OXCT1: variants seen among roughly 807,000 people sequenced by gnomAD.
OXCT1 encodes the protein succinyl-CoA:3-ketoacid coenzyme A transferase 1, mitochondrial.
A neutral mutation model predicts 69.6 loss-of-function variants in OXCT1; 27 were observed. The observed-to-expected ratio is 0.39, with a 90% confidence interval of 0.29 to 0.54. OXCT1 has a LOEUF of 0.54. Ranked by LOEUF, OXCT1 falls within the 20% of genes least tolerant of loss-of-function variation. The pLI is 0.72. For missense variants in OXCT1, 437 were observed against 650.2 expected (o/e 0.67, Z 3.57); for synonymous variants, 202 against 217.8 (o/e 0.93, Z 0.64).
chr5:41,802,977 T>C (rs1746492772), intron 10 of OXCT1, 92 bp downstream of exon 10: 2 of 915,776 alleles, frequency 2.2e-6, no homozygotes, highest in African/African-American at 1.7e-5. Context: ...CTAAAAGCTA[T>C]TGAAATAAAA....
chr5:41,782,457 G>A (rs1203253426), intron 13 of OXCT1, among the ~76,000 whole-genome samples: 19 of 152,116 alleles, frequency 1.2e-4, no homozygotes, highest in African/African-American at 3.1e-4. Context: ...GAAGTAATCC[G>A]CCTGCCTTAG....
chr5:41,831,090 G>A (rs1748073872), intron 7 of OXCT1, among the ~76,000 whole-genome samples: 1 of 152,174 alleles, frequency 6.6e-6, no homozygotes, highest in African/African-American at 2.4e-5. Context: ...TCTCCAAACA[G>A]GGCCAGAGTC....
chr5:41,819,968 A>C (rs952463033), intron 7 of OXCT1, among the ~76,000 whole-genome samples: 1 of 152,128 alleles, frequency 6.6e-6, no homozygotes, highest in Admixed American at 6.6e-5. Context: ...TCAAGCAGCC[A>C]GGAGGATTCT....
At position 41,794,703 on chromosome 5, in the gene OXCT1, G is replaced by A. The variant is rs770657301; in HGVS notation, c.1146C>T (p.Ser382=). The A allele has an allele frequency of 7.4e-6, 12 of 1,613,440 alleles. No homozygotes were observed. Among genetic ancestry groups the A allele is most frequent in the South Asian group, 2.2e-5 (2 of 91,068 alleles). Residue 382 remains serine, a synonymous_variant, in exon 12 of 17, where the codon AGC becomes AGT. Transcript: ENST00000196371. ...CTCTAATCATTGCAAATGATTCATC[G>A]CTGGAGAAAAAAGAGGCTCCTGGAA... The part of the protein sequence containing the change: ...TILPGASFFS[S]DESFAMIRGG...
chr5:41,849,217 G>A (rs767035953), intron 5 of OXCT1, among the ~76,000 whole-genome samples: 14 of 152,152 alleles, frequency 9.2e-5, no homozygotes, highest in Non-Finnish European at 1.5e-5. Context: ...AGGAATGGGA[G>A]GGGCACAGCC....
At chr5:41,852,262 G>A (rs1211128880) in intron 4 of OXCT1, among the ~76,000 whole-genome samples, 1 of 152,182 alleles carries the variant, frequency 6.6e-6, no homozygotes, top group Non-Finnish European at 1.5e-5. Flanking sequence ...CCAGTGCAAT[G>A]CTATGGTATG....
At chr5:41,845,445 A>G (rs1247440853) in intron 5 of OXCT1, among the ~76,000 whole-genome samples, 1 of 152,106 alleles carries the variant, frequency 6.6e-6, no homozygotes, top group East Asian at 1.9e-4. Flanking sequence ...CAGTTCCTCC[A>G]CTAGCAGGAG....
At chr5:41,852,456 C>T (rs912085700) in intron 4 of OXCT1, among the ~76,000 whole-genome samples, 6 of 152,122 alleles carry the variant, frequency 3.9e-5, no homozygotes, top group South Asian at 2.1e-4. Flanking sequence ...TAAAATAAAG[C>T]GGAGTGGCTC....
At chr5:41,847,694 A>C (rs1748987618) in intron 5 of OXCT1, among the ~76,000 whole-genome samples, 1 of 152,234 alleles carries the variant, frequency 6.6e-6, no homozygotes, top group Admixed American at 6.5e-5. Context: ...TGATTATCTC[A>C]ATAGATGCAG....
At chr5:41,748,854 C>G (rs114713832) in intron 15 of OXCT1, among the ~76,000 whole-genome samples, 1 of 152,006 alleles carries the variant, frequency 6.6e-6, no homozygotes, top group African/African-American at 2.4e-5. Context: ...AGAAAACACA[C>G]CCTCCCAGCT....
intron 15 of OXCT1, among the ~76,000 whole-genome samples, chr5:41,744,728 G>A (rs1382605549): frequency 1.3e-5 from 2 of 151,964 alleles, no homozygotes; most frequent in Admixed American, 1.3e-4. Context: ...ATAATCATGC[G>A]GTTTTTGTCA....
At chr5:41,785,306 C>T (rs1199434248) in intron 13 of OXCT1, among the ~76,000 whole-genome samples, 3 of 152,160 alleles carry the variant, frequency 2.0e-5, no homozygotes, top group South Asian at 4.1e-4. Context: ...TTCCACAGTC[C>T]TCTGTGGAAA....
chr5:41,843,694 C>A (rs1748757576), intron 5 of OXCT1: 1 of 411,510 alleles, frequency 2.4e-6, no homozygotes, highest in South Asian at 1.7e-5. Context: ...CTCATCCCTA[C>A]CGCACCCCCT....
At chr5:41,809,164 A>G (rs1367957115) in intron 7 of OXCT1, among the ~76,000 whole-genome samples, 1 of 152,090 alleles carries the variant, frequency 6.6e-6, no homozygotes, top group Admixed American at 6.6e-5. Context: ...TGGGATAGAC[A>G]ATTATTTATA....
Position 41,745,450 on chromosome 5 carries a change from G to A in OXCT1, c.1419+4077C>T, listed in dbSNP as rs531547834. Among the ~76,000 whole-genome samples, 772 of 152,250 alleles carry A rather than the reference G, an allele frequency of 5.1e-3. 6 individuals carry two copies. The highest frequency in any genetic ancestry group is 0.017 in the African/African-American group (722 of 41,540). On this transcript the variant is annotated intron_variant, in intron 15 of 16. Coordinates refer to ENST00000196371, the MANE Select transcript of OXCT1 (RefSeq NM_000436.4). ...ACTAAATGCCCACAAGAGAAAGCAGGAAAGATCTAAAATTGACATCCTAAC... is the reference window on the plus strand; with the variant it reads ...ACTAAATGCCCACAAGAGAAAGCAGAAAAGATCTAAAATTGACATCCTAAC...
chr5:41,750,135 G>GTTTTTTTTTTTTTTTTTTTTTTTTT (rs11291155), intron 14 of OXCT1, among the ~76,000 whole-genome samples: 9 of 73,922 alleles, frequency 1.2e-4, no homozygotes, highest in African/African-American at 1.6e-4. Flanking sequence ...GTGTTTTTTG[G>GTTTTTTTTTTTTTTTTTTTTTTTTT]TTTTTTTTTT....
chr5:41,861,483 AAAAGGG>A (rs1749737366), intron 2 of OXCT1, 79 bp from the exon 3 acceptor site: 1 of 885,082 alleles, frequency 1.1e-6, no homozygotes, highest in East Asian at 2.4e-5. Flanking sequence ...TATTCTTTTT[AAAAGGG>A]AAATAAAACA....
At position 41,739,468 on chromosome 5, in the gene OXCT1, C is replaced by G. The variant is rs780925405; in HGVS notation, c.1443G>C (p.Lys481Asn). The G allele has an allele frequency of 6.2e-7, 1 of 1,613,312 alleles. No individual in the cohort carries two copies. Among genetic ancestry groups the G allele is most frequent in the South Asian group, 1.1e-5 (1 of 91,068 alleles). Residue 481 changes from lysine to asparagine, a missense_variant, in exon 16 of 17, where the codon AAG becomes AAC. This residue lies in a region of OXCT1 where 102 missense variants were observed against 162.1 expected (regional missense o/e 0.63). Transcript: ENST00000196371. ...AGAGCTCAATCAGAGTCAACCCTTT[C>G]TTCTTGTCCACATCAAACACAGCCT... ...TEKAVFDVDK[K>N]KGLTLIELWE... is the part of the protein sequence containing the mutation.
At chr5:41,754,818 A>G (rs1236556099) in intron 14 of OXCT1, among the ~76,000 whole-genome samples, 2 of 151,984 alleles carry the variant, frequency 1.3e-5, no homozygotes. Context: ...TGGAGGTAAT[A>G]AAAGTTTGTG....
Sources: gnomAD v4.1 joint callset for allele counts (sites outside exome capture counted in the v4.1 genomes callset) on GRCh38, gnomAD v4.1.1 for gene constraint, gnomAD v4.1.1 regional missense constraint, MANE v1.5 for transcripts, NCBI Gene and HGNC (gene_info 2026-07-23, HGNC 2026-07-21) for gene names.